Variants in NBAS observed in about 807,000 individuals in gnomAD.
The protein encoded by NBAS is NBAS subunit of NRZ tethering complex, also known as NAG/BC035112 fusion.
Under a neutral mutation model 302.5 loss-of-function variants are expected in NBAS, and 219 were observed. The observed-to-expected ratio is 0.72, with a 90% CI of 0.65 to 0.81. The LOEUF is 0.81. Ranked by LOEUF, NBAS falls within the 30% of genes least tolerant of loss-of-function variation. NBAS has a pLI of 0.00. For missense variants in NBAS, 2,932 were observed against 2,841.6 expected, an observed-to-expected ratio of 1.03 and a Z score of -0.72; for synonymous variants, 1,118 against 1,021.6, an observed-to-expected ratio of 1.09 and a Z score of -1.80.
At chr2:14,808,469 C>A in the NBAS span, among the ~76,000 whole-genome samples, 754 of 152,290 alleles carry the variant, frequency 5.0e-3, 3 homozygotes, top group Non-Finnish European at 7.5e-3. Flanking sequence ...ATCCTATTCT[C>A]ATGATAGTAA....
At chr2:15,037,262 G>A in the NBAS span, among the ~76,000 whole-genome samples, 1 of 152,126 alleles carries the variant, frequency 6.6e-6, no homozygotes, top group Admixed American at 6.5e-5. Flanking sequence ...GGAATGCAAG[G>A]CCAAAGTGGG....
chr2:14,847,399 A>C, the NBAS span, among the ~76,000 whole-genome samples: 1 of 150,272 alleles, frequency 6.7e-6, no homozygotes, highest in Non-Finnish European at 1.5e-5. Flanking sequence ...AAAAAAAAAA[A>C]AAAAAAGACA....
the NBAS span, among the ~76,000 whole-genome samples, chr2:14,893,653 T>A: frequency 6.6e-6 from 1 of 152,220 alleles, no homozygotes; most frequent in African/African-American, 2.4e-5. Flanking sequence ...TCTTGCTGAA[T>A]AACTTTCAGT....
the NBAS span, among the ~76,000 whole-genome samples, chr2:15,093,052 G>A: frequency 6.6e-6 from 1 of 152,140 alleles, no homozygotes; most frequent in East Asian, 1.9e-4. Context: ...AAGGGCCTCC[G>A]TGAGCCTGCT....
chr2:15,462,004 C>T (rs925767478), intron 19 of NBAS, among the ~76,000 whole-genome samples: 6 of 151,732 alleles, frequency 4.0e-5, no homozygotes, highest in African/African-American at 9.7e-5. Flanking sequence ...TTTTTTAATC[C>T]GGAAGTAAAT....
chr2:14,927,211 C>T, the NBAS span, among the ~76,000 whole-genome samples: 2 of 152,208 alleles, frequency 1.3e-5, no homozygotes, highest in East Asian at 3.9e-4. Context: ...TTGGACTCGC[C>T]AAGCCTCCAC....
chr2:14,959,500 C>T, the NBAS span, among the ~76,000 whole-genome samples: 2 of 152,334 alleles, frequency 1.3e-5, no homozygotes, highest in Admixed American at 1.3e-4. Context: ...CTCTCTCTTT[C>T]TTACAGTCCT....
downstream of NBAS, among the ~76,000 whole-genome samples, chr2:15,162,274 T>G (rs1663917840): frequency 6.6e-6 from 1 of 152,120 alleles, no homozygotes; most frequent in South Asian, 2.1e-4. Flanking sequence ...GAGTAGAAAT[T>G]CCAGTGTGGC....
rs75047831 is a variant in NBAS, at chr2:15,406,980, T to G, written c.2938-4679A>C. Reference sequence around the variant, plus strand: ...CAGTCCTACTAAAGAAAAATTTGGCTACATCAAGACAACTCTTGCCTTTTT... The same window carrying G: ...CAGTCCTACTAAAGAAAAATTTGGCGACATCAAGACAACTCTTGCCTTTTT... On this transcript the variant is annotated intron_variant, in intron 25 of 51. Coordinates refer to ENST00000281513, the MANE Select transcript of NBAS (RefSeq NM_015909.4). Among the ~76,000 whole-genome samples, 509 of 152,314 alleles carry G rather than the reference T, an allele frequency of 3.3e-3. 2 individuals carry two copies. Among genetic ancestry groups the G allele is most frequent in the Non-Finnish European group, 5.7e-3 (389 of 68,018 alleles).
chr2:15,198,905 T>A (rs934709840), intron 48 of NBAS, among the ~76,000 whole-genome samples: 1 of 152,026 alleles, frequency 6.6e-6, no homozygotes, highest in Non-Finnish European at 1.5e-5. Context: ...GGCGGGTGGA[T>A]CATGAGGTCC....
At chr2:14,864,198 T>C in the NBAS span, among the ~76,000 whole-genome samples, 1 of 151,174 alleles carries the variant, frequency 6.6e-6, no homozygotes, top group Admixed American at 6.6e-5. Context: ...ACACCTATAA[T>C]CCCAGCTACT....
intron 34 of NBAS, among the ~76,000 whole-genome samples, chr2:15,352,658 G>A (rs539299562): frequency 5.3e-5 from 8 of 152,160 alleles, no homozygotes; most frequent in South Asian, 2.1e-4. Flanking sequence ...GGGAGCGTGC[G>A]CAGTGTGTTT....
chr2:15,402,363 C>A, intron 25 of NBAS, 62 bp from the exon 26 acceptor site: 5 of 1,464,880 alleles, frequency 3.4e-6, no homozygotes, highest in South Asian at 1.2e-5. Context: ...TTTTCCATAT[C>A]CCAATACTAC....
chr2:15,167,332 A>C lies in NBAS; in HGVS notation c.6841-9T>G. On this transcript the variant is annotated splice_polypyrimidine_tract_variant and intron_variant, in intron 51 of 51. Transcript: ENST00000281513. ...CAATTGGAATCATTCACCTTCAAGA[A>C]ATAAGACAGGCACAGCGTGAGGGGG... 6.2e-7 allele frequency: 1 copy of C among 1,614,114 alleles called. No homozygotes were observed. The highest frequency in any genetic ancestry group is 1.1e-5 in the South Asian group (1 of 91,058).
At chr2:15,293,708 T>A (rs143599185) in intron 40 of NBAS, among the ~76,000 whole-genome samples, 109 of 152,254 alleles carry the variant, frequency 7.2e-4, no homozygotes, top group African/African-American at 2.6e-3. Flanking sequence ...TATAGTAAGC[T>A]GTCAGCATTT....
the NBAS span, among the ~76,000 whole-genome samples, chr2:14,933,547 T>C: frequency 6.6e-6 from 1 of 152,188 alleles, no homozygotes; most frequent in African/African-American, 2.4e-5. Flanking sequence ...AGATAACTCA[T>C]TAGTTTGCTA....
chr2:15,256,532 C>T (rs1009794776), intron 44 of NBAS, among the ~76,000 whole-genome samples: 17 of 152,042 alleles, frequency 1.1e-4, no homozygotes, highest in African/African-American at 4.1e-4. Context: ...ATATGGACAC[C>T]CTTTATTTTT....
At chr2:14,877,787 A>G in the NBAS span, among the ~76,000 whole-genome samples, 1 of 152,136 alleles carries the variant, frequency 6.6e-6, no homozygotes, top group Non-Finnish European at 1.5e-5. Context: ...CCTGGACTTA[A>G]TCCTCAGCTT....
chr2:15,294,742 G>T lies in NBAS; in HGVS notation c.4798-1976C>A, dbSNP rs542663059. Among the ~76,000 whole-genome samples, 4 of 152,296 alleles carry T rather than the reference G, an allele frequency of 2.6e-5. No homozygotes were observed. The South Asian group carries it at 8.3e-4, about 32-fold the overall frequency. The stretch of plus-strand genomic sequence containing the variant: ...GCAAGACCAAATATCCAATGATCAT[G>T]GTTTTAGGGTGGCAGGAGAGCTCTT... On this transcript the variant is annotated intron_variant, in intron 40 of 51. Transcript: ENST00000281513.
Sources: gnomAD v4.1 joint callset for allele counts (sites outside exome capture counted in the v4.1 genomes callset) on GRCh38, gnomAD v4.1.1 for gene constraint, MANE v1.5 for transcripts, NCBI Gene and HGNC (gene_info 2026-07-23, HGNC 2026-07-21) for gene names.